THSD7A: variants seen among roughly 807,000 people sequenced by gnomAD.
THSD7A encodes the protein thrombospondin type 1 domain containing 7A.
A neutral mutation model predicts 231.3 loss-of-function variants in THSD7A; 96 were observed. The observed-to-expected ratio is 0.41, with a 90% CI of 0.35 to 0.49. The LOEUF (loss-of-function observed/expected upper bound fraction) is 0.49, where lower values mean the gene tolerates loss of function less well. THSD7A is among the 20% of genes least tolerant of loss of function. THSD7A has a pLI of 0.05. For synonymous variants in THSD7A, 940 were observed against 743.3 expected (o/e 1.26, Z -4.30); for missense variants, 2,290 against 2,070.2 (o/e 1.11, Z -2.06).
chr7:11,813,492 T>C (rs764416509), intron 1 of THSD7A, among the ~76,000 whole-genome samples: 9 of 151,942 alleles, frequency 5.9e-5, no homozygotes, highest in Non-Finnish European at 8.8e-5. Flanking sequence ...GGCAGGCGGA[T>C]CACGAGGTCA....
intron 6 of THSD7A, among the ~76,000 whole-genome samples, chr7:11,524,609 G>A (rs1035871587): frequency 6.6e-6 from 1 of 152,082 alleles, no homozygotes; most frequent in Admixed American, 6.6e-5. Flanking sequence ...TTTATATGTG[G>A]CTAGCCAGCC....
chr7:11,418,726 T>G (rs1174264364), intron 16 of THSD7A, among the ~76,000 whole-genome samples: 2 of 152,190 alleles, frequency 1.3e-5, no homozygotes, highest in African/African-American at 4.8e-5. Context: ...GTCCTTTCCC[T>G]GTGGGATACA....
chr7:11,375,727 G>A lies in THSD7A; in HGVS notation c.*67C>T. On this transcript the variant is annotated 3_prime_UTR_variant, in exon 28 of 28. Coordinates refer to ENST00000423059, the MANE Select transcript of THSD7A (RefSeq NM_015204.3). ...TAATCCACACAGTTTGGATACATTT[G>A]TTGTGGCCTCTGGACATCTATGAAG... 1 of 1,279,878 alleles carries A rather than the reference G, an allele frequency of 7.8e-7. No individual in the cohort carries two copies. The highest frequency in any genetic ancestry group is 1.2e-5 in the South Asian group (1 of 80,318). The allele number at this position is 1,279,878 out of a possible 1,614,324, so 79.3% of individuals were successfully genotyped here.
chr7:11,829,344 T>G (rs960660501), intron 1 of THSD7A, among the ~76,000 whole-genome samples: 4 of 152,096 alleles, frequency 2.6e-5, no homozygotes, highest in African/African-American at 9.7e-5. Flanking sequence ...TATGAAGCCC[T>G]TTAGGGGTTA....
intron 24 of THSD7A, 100 bp downstream of exon 24, chr7:11,382,421 T>C: frequency 2.1e-6 from 2 of 969,288 alleles, no homozygotes; most frequent in East Asian, 2.6e-5. Context: ...AGGCTTTGAA[T>C]ACTGAAAGAG....
chr7:11,651,875 A>G (rs1051248899), intron 1 of THSD7A, among the ~76,000 whole-genome samples: 7 of 151,992 alleles, frequency 4.6e-5, no homozygotes, highest in Non-Finnish European at 8.8e-5. Flanking sequence ...TCATCATCTG[A>G]TGACATTATA....
At chr7:11,616,538 T>TA (rs202060040) in intron 2 of THSD7A, among the ~76,000 whole-genome samples, 2,792 of 152,290 alleles carry the variant, frequency 0.018, 91 homozygotes, top group African/African-American at 0.064. Context: ...TAATTTAATA[T>TA]ATAAAAGCAT....
intron 13 of THSD7A, among the ~76,000 whole-genome samples, chr7:11,434,867 G>GTA (rs1381419767): frequency 6.6e-6 from 1 of 151,848 alleles, no homozygotes; most frequent in Non-Finnish European, 1.5e-5. Context: ...AAATTACTAT[G>GTA]TATATATATC....
At chr7:11,715,938 G>C (rs971815748) in intron 1 of THSD7A, among the ~76,000 whole-genome samples, 1 of 151,386 alleles carries the variant, frequency 6.6e-6, no homozygotes, top group Non-Finnish European at 1.5e-5. Context: ...ATTAAGGTAC[G>C]AAATAAAAAT....
chr7:11,816,487 C>G (rs912687992), intron 1 of THSD7A, among the ~76,000 whole-genome samples: 1 of 152,094 alleles, frequency 6.6e-6, no homozygotes, highest in Non-Finnish European at 1.5e-5. Context: ...GTAGATGCTA[C>G]TAGAAAAGTA....
chr7:11,549,783 G>C (rs2354960), intron 4 of THSD7A, among the ~76,000 whole-genome samples: 41,870 of 151,758 alleles, frequency 0.28, 6,446 homozygotes, highest in Admixed American at 0.46. Flanking sequence ...AGTGTGGTTG[G>C]GGGGAGCATC....
Position 11,429,058 on chromosome 7 carries a change from C to T in THSD7A, c.3132G>A (p.Trp1044Ter). The change falls in exon 14 of 28, where the codon TGG becomes TGA. Residue 1044 changes from tryptophan (W) to a stop codon, truncating the protein, a stop_gained. Coordinates refer to ENST00000423059, the MANE Select transcript of THSD7A (RefSeq NM_015204.3). LOFTEE classifies it high-confidence loss of function. ...SDCKLSEWSN[W>*]SRCSKSCGSG... is the part of the protein sequence containing the mutation. ...TCCCACAGGACTTGCTGCAGCGCGACCAGTTGGACCACTCACTGAGCTTGC... is the reference window on the plus strand; with the variant it reads ...TCCCACAGGACTTGCTGCAGCGCGATCAGTTGGACCACTCACTGAGCTTGC... 6.2e-7 allele frequency: 1 copy of T among 1,612,818 alleles called. No homozygotes were observed. The highest frequency in any genetic ancestry group is 1.1e-5 in the South Asian group (1 of 90,872).
At chr7:11,616,768 T>C (rs79181756) in intron 2 of THSD7A, among the ~76,000 whole-genome samples, 1 of 152,128 alleles carries the variant, frequency 6.6e-6, no homozygotes, top group Admixed American at 6.6e-5. Flanking sequence ...ATTGTTTTTC[T>C]TGAAAGGGCA....
intron 2 of THSD7A, among the ~76,000 whole-genome samples, chr7:11,622,895 A>ATAGG (rs1048806103): frequency 8.5e-5 from 13 of 152,202 alleles, no homozygotes; most frequent in African/African-American, 3.1e-4. Context: ...ATGTTATAAC[A>ATAGG]TAGGTATCCC....
intron 1 of THSD7A, among the ~76,000 whole-genome samples, chr7:11,699,076 T>G (rs539670534): frequency 6.6e-6 from 1 of 151,120 alleles, no homozygotes; most frequent in East Asian, 2.0e-4. Flanking sequence ...GCACTTTTTT[T>G]GTAAGGAAAT....
chr7:11,618,806 A>G (rs1562773985), intron 2 of THSD7A, among the ~76,000 whole-genome samples: 1 of 151,948 alleles, frequency 6.6e-6, no homozygotes. Context: ...GAAAAAAAAA[A>G]AAGAAGGAGA....
chr7:11,450,435 C>G (rs10081319), intron 11 of THSD7A, among the ~76,000 whole-genome samples: 3,035 of 152,034 alleles, frequency 0.02, 102 homozygotes, highest in African/African-American at 0.07. Context: ...ACAATGTTAT[C>G]CAAACAAGCA....
chr7:11,484,470 A>G (rs758612809), intron 6 of THSD7A, among the ~76,000 whole-genome samples: 8 of 151,728 alleles, frequency 5.3e-5, no homozygotes, highest in Non-Finnish European at 1.2e-4. Context: ...GACCATACAC[A>G]CTCTCCCAGT....
At position 11,810,642 on chromosome 7, in the gene THSD7A, T is replaced by C. The variant is rs1273754557; in HGVS notation, c.190+21115A>G. On this transcript the variant is annotated intron_variant, in intron 1 of 27. Coordinates refer to ENST00000423059, the MANE Select transcript of THSD7A (RefSeq NM_015204.3). ...CTAGAAAGAAGAAATAGCCAACACT[T>C]TGTCTTCACCTCAGATTTAACTTTC... Among the ~76,000 whole-genome samples the C allele has an allele frequency of 2.6e-5, 4 of 152,072 alleles. No individual in the cohort carries two copies. In the East Asian group the frequency reaches 5.9e-4, roughly 22 times the overall value.
Sources: allele counts gnomAD v4.1 joint callset (sites outside exome capture counted in the v4.1 genomes callset), GRCh38; gene constraint gnomAD v4.1.1; transcripts MANE v1.5; gene names NCBI Gene and HGNC (gene_info 2026-07-23, HGNC 2026-07-21).